Variants in RHPN2 observed in about 807,000 individuals in gnomAD.
RHPN2 encodes the protein rhophilin Rho GTPase binding protein 2, also known as rhophilin-2.
RHPN2 carries 40 observed loss-of-function variants against 79.0 expected under a neutral mutation model. The ratio of observed to expected loss-of-function variants is 0.51; its 90% confidence interval spans 0.39 to 0.66. The LOEUF (loss-of-function observed/expected upper bound fraction) is 0.66, where lower values mean the gene tolerates loss of function less well. RHPN2 is among the 30% of genes least tolerant of loss of function. The pLI, the probability that RHPN2 is intolerant of heterozygous loss-of-function variation, is 0.00. For missense variants in RHPN2, 686 were observed against 883.5 expected, an observed-to-expected ratio of 0.78 and a Z score of 2.83; for synonymous variants, 285 against 363.5, an observed-to-expected ratio of 0.78 and a Z score of 2.46.
intron 1 of RHPN2, among the ~76,000 whole-genome samples, chr19:33,055,363 TA>T (rs1355476023): frequency 1.4e-3 from 193 of 141,892 alleles, no homozygotes; most frequent in Middle Eastern, 3.6e-3. Flanking sequence ...CTGTCATCTT[TA>T]AAAAAAAAAA....
At chr19:33,053,425 CT>C (rs11297306) in intron 1 of RHPN2, among the ~76,000 whole-genome samples, 45,859 of 131,758 alleles carry the variant, frequency 0.35, 9,496 homozygotes, top group African/African-American at 0.64. Context: ...AACAGTTTTG[CT>C]TTTTTTTTTT....
chr19:33,059,957 C>A (rs1386730491), intron 1 of RHPN2, among the ~76,000 whole-genome samples: 1 of 152,172 alleles, frequency 6.6e-6, no homozygotes, highest in Non-Finnish European at 1.5e-5. Flanking sequence ...CAACTGCCTC[C>A]CAGTTGGTGC....
chr19:33,061,205 C>G (rs1168462275), intron 1 of RHPN2, among the ~76,000 whole-genome samples: 1 of 151,716 alleles, frequency 6.6e-6, no homozygotes, highest in Non-Finnish European at 1.5e-5. Flanking sequence ...TCTCCTTTCA[C>G]CTGGACAGCA....
chr19:33,026,680 G>A (rs1481170448), intron 2 of RHPN2, 48 bp from the exon 3 acceptor site: 4 of 1,587,806 alleles, frequency 2.5e-6, no homozygotes, highest in African/African-American at 2.7e-5. Flanking sequence ...AGGTATCCTG[G>A]CTTCTAGGTG....
In RHPN2 at chr19:33,049,434, C is replaced by A. The variant is rs200564195; in HGVS notation, c.70-5070G>T. On this transcript the variant is annotated intron_variant, in intron 1 of 14. Transcript: ENST00000254260. ...CTCAGAGACAGGGATTGGTTCTCAA[C>A]AGAACACAAAGCCGCTCTGAGACTG... Among the ~76,000 whole-genome samples the A allele has an allele frequency of 2.8e-3, 433 of 152,274 alleles. 4 individuals are homozygous for A. Among genetic ancestry groups the A allele is most frequent in the Admixed American group, 4.5e-3 (69 of 15,292 alleles).
intron 14 of RHPN2, among the ~76,000 whole-genome samples, chr19:32,981,918 G>A (rs1971578537): frequency 6.6e-6 from 1 of 151,860 alleles, no homozygotes; most frequent in Non-Finnish European, 1.5e-5. Context: ...CAAGAATCAT[G>A]TAGGATTCAA....
At chr19:33,040,231 CTTTTTTTTTTTT>C (rs1007486362) in intron 2 of RHPN2, among the ~76,000 whole-genome samples, 1 of 97,790 alleles carries the variant, frequency 1.0e-5, no homozygotes, top group East Asian at 3.2e-4. Context: ...GGCAACCTGC[CTTTTTTTTTTTT>C]TTTTTTTTTT....
intron 1 of RHPN2, among the ~76,000 whole-genome samples, chr19:33,050,828 G>T (rs11673329): frequency 6.7e-6 from 1 of 150,086 alleles, no homozygotes; most frequent in African/African-American, 2.5e-5. Flanking sequence ...GCAGGCACCC[G>T]CCACCACACC....
At chr19:33,026,714 G>T in intron 2 of RHPN2, 82 bp from the exon 3 acceptor site, 1 of 1,515,386 alleles carries the variant, frequency 6.6e-7, no homozygotes, top group Non-Finnish European at 9.0e-7. Flanking sequence ...CCCAGTCCCT[G>T]CAGGGAGGAT....
intron 10 of RHPN2, among the ~76,000 whole-genome samples, chr19:32,997,677 G>A (rs1201193112): frequency 6.6e-6 from 1 of 151,452 alleles, no homozygotes; most frequent in African/African-American, 2.4e-5. Flanking sequence ...TTTTGGTACA[G>A]ACGGGGTTTC....
intron 1 of RHPN2, among the ~76,000 whole-genome samples, chr19:33,045,171 C>T (rs1972132587): frequency 6.6e-6 from 1 of 150,932 alleles, no homozygotes; most frequent in Non-Finnish European, 1.5e-5. Context: ...CATGCCTCAG[C>T]TTTCCAAGTA....
At chr19:33,022,100 C>G (rs1568318346) in intron 3 of RHPN2, among the ~76,000 whole-genome samples, 2 of 151,630 alleles carry the variant, frequency 1.3e-5, no homozygotes, top group Non-Finnish European at 2.9e-5. Flanking sequence ...GACACCACAC[C>G]CAGCTAATTT....
intron 2 of RHPN2, among the ~76,000 whole-genome samples, chr19:33,034,254 C>T (rs1036423318): frequency 1.1e-4 from 17 of 151,774 alleles, no homozygotes; most frequent in Non-Finnish European, 2.4e-4. Flanking sequence ...GGGCGGATCA[C>T]GAGGTCTGGA....
intron 2 of RHPN2, among the ~76,000 whole-genome samples, chr19:33,031,882 G>C (rs1417422815): frequency 2.0e-5 from 3 of 151,778 alleles, no homozygotes; most frequent in African/African-American, 7.3e-5. Context: ...ACCACGCCCG[G>C]CTAATTTATT....
chr19:33,039,843 G>GA (rs11321994), intron 2 of RHPN2, among the ~76,000 whole-genome samples: 186 of 89,288 alleles, frequency 2.1e-3, no homozygotes, highest in African/African-American at 2.5e-3. Flanking sequence ...GTCTCAAAAA[G>GA]AAAAAAAAAA....
At chr19:32,986,790 T>G (rs1971615920) in intron 14 of RHPN2, among the ~76,000 whole-genome samples, 1 of 134,618 alleles carries the variant, frequency 7.4e-6, no homozygotes. Context: ...CAAGACTCTG[T>G]CTCAAAAAAA....
intron 14 of RHPN2, among the ~76,000 whole-genome samples, chr19:32,986,813 T>A (rs1334236584): frequency 3.0e-4 from 31 of 102,506 alleles, no homozygotes; most frequent in African/African-American, 1.4e-3. Flanking sequence ...AAAAAAAAAT[T>A]TTGAGATATA....
At chr19:33,021,316 C>T (rs1367852838) in intron 4 of RHPN2, among the ~76,000 whole-genome samples, 2 of 152,184 alleles carry the variant, frequency 1.3e-5, no homozygotes, top group Non-Finnish European at 2.9e-5. Context: ...GCCTGTTGAG[C>T]CTAAGGCCAT....
At chr19:33,045,619 G>A (rs1246274799) in intron 1 of RHPN2, among the ~76,000 whole-genome samples, 1 of 151,816 alleles carries the variant, frequency 6.6e-6, no homozygotes, top group African/African-American at 2.4e-5. Flanking sequence ...AATTACAGGT[G>A]CCCACCACCA....
Sources: gnomAD v4.1 joint callset for allele counts (sites outside exome capture counted in the v4.1 genomes callset) on GRCh38, gnomAD v4.1.1 for gene constraint, MANE v1.5 for transcripts, NCBI Gene and HGNC (gene_info 2026-07-23, HGNC 2026-07-21) for gene names.